ASTN2: variants seen among roughly 807,000 people sequenced by gnomAD.
The protein encoded by ASTN2 is astrotactin 2.
A neutral mutation model predicts 139.8 loss-of-function variants in ASTN2; 54 were observed. That is an observed-to-expected ratio of 0.39 (90% CI 0.31 to 0.48). The LOEUF (loss-of-function observed/expected upper bound fraction) is 0.48, where lower values mean the gene tolerates loss of function less well. ASTN2 is among the 20% of genes least tolerant of loss of function. The probability of loss-of-function intolerance (pLI) is 0.95; values close to 1 mark genes in which losing one functional copy is unlikely to be tolerated. For synonymous variants in ASTN2, 756 were observed against 719.5 expected (o/e 1.05, Z -0.81); for missense variants, 1,565 against 1,725.1 (o/e 0.91, Z 1.64).
intron 19 of ASTN2, among the ~76,000 whole-genome samples, chr9:116,489,310 A>G (rs1183444991): frequency 1.3e-5 from 2 of 151,940 alleles, no homozygotes; most frequent in Non-Finnish European, 2.9e-5. Context: ...TTCATTCTTT[A>G]TTTTATTTAT....
chr9:116,574,764 C>T (rs1281805967), intron 19 of ASTN2, among the ~76,000 whole-genome samples: 1 of 152,216 alleles, frequency 6.6e-6, no homozygotes, highest in Non-Finnish European at 1.5e-5. Flanking sequence ...GTGCAGAAGT[C>T]CCAGTTTCAT....
At chr9:117,123,328 A>G (rs993253613) in intron 4 of ASTN2, among the ~76,000 whole-genome samples, 4 of 151,976 alleles carry the variant, frequency 2.6e-5, no homozygotes, top group African/African-American at 7.3e-5. Context: ...GAGAGAGGCC[A>G]TATGTGTCAC....
intron 2 of ASTN2, among the ~76,000 whole-genome samples, chr9:117,269,888 T>A (rs10983596): frequency 0.24 from 35,986 of 152,188 alleles, 5,286 homozygotes; most frequent in Non-Finnish European, 0.32. Context: ...TTGGGGCACA[T>A]ACTCTGCAAG....
chr9:117,394,532 A>C (rs964473411), intron 1 of ASTN2, among the ~76,000 whole-genome samples: 2 of 152,186 alleles, frequency 1.3e-5, no homozygotes, highest in Non-Finnish European at 1.5e-5. Context: ...GAATAAAGTT[A>C]ATCAAAGATA....
At chr9:116,773,398 G>A (rs547080350) in intron 13 of ASTN2, among the ~76,000 whole-genome samples, 1 of 152,302 alleles carries the variant, frequency 6.6e-6, no homozygotes, top group South Asian at 2.1e-4. Context: ...CGAGAGGTCT[G>A]TGGATTCTAA....
At chr9:117,341,839 A>G (rs1285762991) in intron 1 of ASTN2, among the ~76,000 whole-genome samples, 1 of 152,182 alleles carries the variant, frequency 6.6e-6, no homozygotes, top group Non-Finnish European at 1.5e-5. Flanking sequence ...TTTCTGCAAA[A>G]TACCAGCACA....
chr9:116,620,202 T>G, intron 18 of ASTN2, 108 bp downstream of exon 18: 1 of 1,512,890 alleles, frequency 6.6e-7, no homozygotes, highest in Admixed American at 1.8e-5. Context: ...TTTGAGGATC[T>G]TGTTAGGCAC....
chr9:116,750,303 C>G (rs556608301), intron 13 of ASTN2, among the ~76,000 whole-genome samples: 5 of 152,152 alleles, frequency 3.3e-5, no homozygotes, highest in Non-Finnish European at 7.4e-5. Context: ...TGAATGTTAA[C>G]ATTTAAAACC....
intron 16 of ASTN2, among the ~76,000 whole-genome samples, chr9:116,681,796 T>C (rs1588187448): frequency 6.6e-6 from 1 of 152,044 alleles, no homozygotes; most frequent in Non-Finnish European, 1.5e-5. Context: ...ATTTAATAAA[T>C]GGTGCTGGGA....
chr9:117,251,427 A>G (rs1277861010), intron 2 of ASTN2, among the ~76,000 whole-genome samples: 1 of 152,042 alleles, frequency 6.6e-6, no homozygotes, highest in East Asian at 1.9e-4. Flanking sequence ...ATATAAATTT[A>G]TCTATTTGTG....
At chr9:116,560,387 T>A (rs1051269731) in intron 19 of ASTN2, among the ~76,000 whole-genome samples, 1 of 152,132 alleles carries the variant, frequency 6.6e-6, no homozygotes, top group Non-Finnish European at 1.5e-5. Flanking sequence ...AGCCAGCCAG[T>A]CCCCAGATTT....
rs145784998 is a variant in ASTN2, at chr9:117,343,639, G to A, written c.443-52126C>T. ...ATATGAGAATACTGAGAGTTGGAGAGACTGAGTAACATGCCCTAGATGACT... is the reference window on the plus strand; with the variant it reads ...ATATGAGAATACTGAGAGTTGGAGAAACTGAGTAACATGCCCTAGATGACT... On this transcript the variant is annotated intron_variant, in intron 1 of 22. Transcript: ENST00000313400. Among the ~76,000 whole-genome samples the A allele has an allele frequency of 3.1e-4, 47 of 152,280 alleles. No homozygotes were observed. The East Asian group carries it at 8.3e-3, about 27-fold the overall frequency.
rs1833931931 is a variant in ASTN2 at position 116,898,484 on chromosome 9, T to C, written c.1890-34751A>G. The stretch of plus-strand genomic sequence containing the variant: ...CCTACTTCGCAAATAACTTCTCTGC[T>C]AAGAGCCTTCACTTCTTCAGTTCCA... On this transcript the variant is annotated intron_variant, in intron 10 of 22. Transcript: ENST00000313400. Among the ~76,000 whole-genome samples the C allele has an allele frequency of 2.0e-5, 3 of 151,930 alleles. No individual in the cohort carries two copies. In the South Asian group the frequency reaches 6.2e-4, roughly 32 times the overall value.
At chr9:116,927,275 C>T (rs749261164) in intron 10 of ASTN2, among the ~76,000 whole-genome samples, 4 of 152,142 alleles carry the variant, frequency 2.6e-5, no homozygotes, top group Non-Finnish European at 5.9e-5. Context: ...TCCCAAAAGA[C>T]TGGTTTCTAC....
intron 17 of ASTN2, among the ~76,000 whole-genome samples, chr9:116,647,311 G>A (rs778959169): frequency 2.0e-5 from 3 of 152,120 alleles, no homozygotes; most frequent in East Asian, 1.9e-4. Flanking sequence ...AGGGTATAAC[G>A]CAGTCTTAGC....
intron 10 of ASTN2, among the ~76,000 whole-genome samples, chr9:116,900,434 C>T (rs1046262130): frequency 6.6e-6 from 1 of 152,040 alleles, no homozygotes; most frequent in African/African-American, 2.4e-5. Context: ...TTTATGGCTG[C>T]CTGGAGTCTA....
At chr9:117,110,131 T>G (rs930070986) in intron 4 of ASTN2, among the ~76,000 whole-genome samples, 1 of 152,240 alleles carries the variant, frequency 6.6e-6, no homozygotes, top group African/African-American at 2.4e-5. Context: ...ATAAAAAAGT[T>G]ATTTCTTGCT....
chr9:116,684,323 T>C (rs1860067560), intron 16 of ASTN2, among the ~76,000 whole-genome samples: 2 of 152,218 alleles, frequency 1.3e-5, no homozygotes, highest in African/African-American at 4.8e-5. Context: ...AAATCAGTTC[T>C]ATCATGATTT....
intron 13 of ASTN2, among the ~76,000 whole-genome samples, chr9:116,789,920 CTTTTTTTTTTTTT>C (rs57433960): frequency 1.1e-5 from 1 of 93,338 alleles, no homozygotes. Flanking sequence ...TTCTCTTTCT[CTTTTTTTTTTTTT>C]TTTTTTTTTT....
Sources: allele counts gnomAD v4.1 joint callset (sites outside exome capture counted in the v4.1 genomes callset), GRCh38; gene constraint gnomAD v4.1.1; transcripts MANE v1.5; gene names NCBI Gene and HGNC (gene_info 2026-07-23, HGNC 2026-07-21).